ANGPT2: variants seen among roughly 807,000 people sequenced by gnomAD.
The protein encoded by ANGPT2 is angiopoietin 2.
ANGPT2 carries 28 observed loss-of-function variants against 62.9 expected under a neutral mutation model. The observed-to-expected ratio is 0.44, with a 90% CI of 0.33 to 0.61. ANGPT2 has a LOEUF of 0.61. Among genes scored for constraint, ANGPT2 ranks in the 20% least tolerant of loss-of-function variants. ANGPT2 has a pLI of 0.03. For synonymous variants in ANGPT2, 284 were observed against 207.8 expected (o/e 1.37, Z -3.15); for missense variants, 727 against 594.9 (o/e 1.22, Z -2.31).
chr8:6,549,900 G>C (rs1295111420), intron 1 of ANGPT2, among the ~76,000 whole-genome samples: 1 of 152,212 alleles, frequency 6.6e-6, no homozygotes, highest in South Asian at 2.1e-4. Context: ...AAAAGAAAAA[G>C]CTAGATTCCC....
At position 6,527,537 on chromosome 8, in the gene ANGPT2, T is replaced by G. The variant is rs1382524848; in HGVS notation, c.566+18A>C. 1.2e-6 allele frequency: 2 copies of G among 1,611,232 alleles called. No homozygotes were observed. The highest frequency in any genetic ancestry group is 2.7e-5 in the African/African-American group (2 of 74,832). On this transcript the variant is annotated intron_variant, in intron 3 of 8. Transcript: ENST00000629816. ...AGTGTGCAGTCCTGAATTATAAATG[T>G]TTTAGTACTGTTATTACCTGTTCTT... is the stretch of plus-strand genomic sequence containing the variant.
rs185787947 is a variant in ANGPT2 at position 6,506,763 on chromosome 8, G to C, written c.1327+2169C>G. Reference sequence around the variant, plus strand: ...ACCAAATAGTAGTCATATTATCTCAGGAACCAGAGGATTGCTTTTTTTTTT... The same window carrying C: ...ACCAAATAGTAGTCATATTATCTCACGAACCAGAGGATTGCTTTTTTTTTT... On this transcript the variant is annotated intron_variant, in intron 8 of 8. Transcript: ENST00000629816. Among the ~76,000 whole-genome samples the C allele has an allele frequency of 3.1e-4, 47 of 151,446 alleles. 1 individual carries two copies. The East Asian group carries it at 8.9e-3, about 29-fold the overall frequency.
chr8:6,541,846 A>AT (rs1821635876), intron 1 of ANGPT2, among the ~76,000 whole-genome samples: 1 of 151,892 alleles, frequency 6.6e-6, no homozygotes, highest in East Asian at 1.9e-4. Flanking sequence ...TCTACAGAAA[A>AT]TTTTTTTAAA....
chr8:6,549,570 C>T (rs577767283), intron 1 of ANGPT2, among the ~76,000 whole-genome samples: 3 of 151,524 alleles, frequency 2.0e-5, no homozygotes, highest in African/African-American at 7.3e-5. Context: ...GTGAGGGAGC[C>T]GCGTGCAGGG....
chr8:6,514,907 G>GA, intron 5 of ANGPT2, 129 bp from the exon 6 acceptor site: 1 of 684,352 alleles, frequency 1.5e-6, no homozygotes, highest in South Asian at 1.9e-5. Flanking sequence ...ATAAGGCACG[G>GA]AGTAGACCAT....
chr8:6,529,092 G>A (rs143304445), intron 2 of ANGPT2, among the ~76,000 whole-genome samples: 177 of 152,296 alleles, frequency 1.2e-3, no homozygotes, highest in African/African-American at 4.1e-3. Flanking sequence ...GGCAGGGAAG[G>A]ATGGCATATA....
chr8:6,508,909 G>A (rs777710893), intron 8 of ANGPT2, 23 bp downstream of exon 8: 2 of 1,613,904 alleles, frequency 1.2e-6, no homozygotes, highest in Admixed American at 1.7e-5. Context: ...AATACAAATA[G>A]GAAGACAGAA....
At chr8:6,505,272 G>GT in intron 8 of ANGPT2, among the ~76,000 whole-genome samples, 1 of 21,986 alleles carries the variant, frequency 4.5e-5, no homozygotes, top group Admixed American at 5.3e-4. Flanking sequence ...TTATATATAT[G>GT]TATACATATA....
At chr8:6,513,133 C>T (rs915599397) in intron 7 of ANGPT2, among the ~76,000 whole-genome samples, 1 of 152,140 alleles carries the variant, frequency 6.6e-6, no homozygotes, top group African/African-American at 2.4e-5. Context: ...TTCTTCTAGG[C>T]TTTGAAGATA....
intron 3 of ANGPT2, 51 bp downstream of exon 3, chr8:6,527,504 A>T (rs1300516358): frequency 6.3e-7 from 1 of 1,585,252 alleles, no homozygotes; most frequent in African/African-American, 1.4e-5. Context: ...CGACTTTCAT[A>T]TCTGGAAAGT....
chr8:6,553,786 A>C (rs947161399), intron 1 of ANGPT2, among the ~76,000 whole-genome samples: 1 of 152,120 alleles, frequency 6.6e-6, no homozygotes, highest in African/African-American at 2.4e-5. Flanking sequence ...CTTCTTGAGC[A>C]GAAAAGCGAA....
chr8:6,550,080 T>C (rs1347239978), intron 1 of ANGPT2, among the ~76,000 whole-genome samples: 1 of 152,192 alleles, frequency 6.6e-6, no homozygotes, highest in Middle Eastern at 3.2e-3. Context: ...ACCCTTTATT[T>C]CTACAACGCT....
At chr8:6,513,369 G>A (rs1328348146) in intron 7 of ANGPT2, among the ~76,000 whole-genome samples, 1 of 131,878 alleles carries the variant, frequency 7.6e-6, no homozygotes, top group Non-Finnish European at 1.6e-5. Context: ...GTCTTGCTCT[G>A]TCGCCCAGGT....
Position 6,523,440 on chromosome 8 carries a change from T to C in ANGPT2, c.567-2030A>G, listed in dbSNP as rs533310103. Among the ~76,000 whole-genome samples the C allele has an allele frequency of 2.6e-5, 4 of 152,356 alleles. No individual in the cohort carries two copies. In the South Asian group the frequency reaches 8.3e-4, roughly 32 times the overall value. On this transcript the variant is annotated intron_variant, in intron 3 of 8. Transcript: ENST00000629816. ...CTATAAATATGTTCAATGAAGAGCA[T>C]ACCACTTTTAAACTAAAAATAGTTC...
At chr8:6,558,072 T>C (rs918681821) in intron 1 of ANGPT2, among the ~76,000 whole-genome samples, 6 of 152,166 alleles carry the variant, frequency 3.9e-5, no homozygotes, top group Non-Finnish European at 8.8e-5. Flanking sequence ...CAAATTTTGC[T>C]CTTTGTTCCT....
chr8:6,502,918 T>G lies in ANGPT2; in HGVS notation c.*183A>C. The stretch of plus-strand genomic sequence containing the variant: ...TGTTTAGGGTCTTGCTTTGGTCCGT[T>G]AAGTGATGCAAGTTTAAGTGATAAA... On this transcript the variant is annotated 3_prime_UTR_variant, in exon 9 of 9. Coordinates refer to ENST00000629816, the MANE Select transcript of ANGPT2 (RefSeq NM_001118887.2). The G allele has an allele frequency of 3.1e-6, 2 of 650,454 alleles. No individual in the cohort carries two copies. The highest frequency in any genetic ancestry group is 5.2e-6 in the Non-Finnish European group (2 of 385,928). 40.3% of individuals were successfully genotyped at this position (650,454 alleles called of 1,614,324 possible). A position where few individuals can be genotyped will look rare whatever the true frequency, so the allele number is the denominator to read the frequency against.
Position 6,548,301 on chromosome 8 carries a change from A to G in ANGPT2, c.288+14346T>C, listed in dbSNP as rs534020868. ...GTGTGTGTAGACCTGACAGGACTCT[A>G]CTCGTGCGTCACTTCCCAGCTGTTG... On this transcript the variant is annotated intron_variant, in intron 1 of 8. Coordinates refer to ENST00000629816, the MANE Select transcript of ANGPT2 (RefSeq NM_001118887.2). 9.2e-5 allele frequency among the ~76,000 whole-genome samples: 14 copies of G among 151,896 alleles called. No individual in the cohort carries two copies. In the South Asian group the frequency reaches 2.7e-3, roughly 29 times the overall value.
At chr8:6,546,075 A>T (rs1261650729) in intron 1 of ANGPT2, among the ~76,000 whole-genome samples, 1 of 152,238 alleles carries the variant, frequency 6.6e-6, no homozygotes, top group African/African-American at 2.4e-5. Context: ...CTTAGGAACT[A>T]CTGGCTCAAT....
chr8:6,550,753 C>A (rs2129574870), intron 1 of ANGPT2, among the ~76,000 whole-genome samples: 1 of 152,296 alleles, frequency 6.6e-6, no homozygotes, highest in South Asian at 2.1e-4. Flanking sequence ...TGTGTACGTT[C>A]TGATACCTCT....
Sources: gnomAD v4.1 joint callset for allele counts (sites outside exome capture counted in the v4.1 genomes callset) on GRCh38, gnomAD v4.1.1 for gene constraint, MANE v1.5 for transcripts, NCBI Gene and HGNC (gene_info 2026-07-23, HGNC 2026-07-21) for gene names.